Variants in FOXP4 observed in about 807,000 individuals in gnomAD.
The protein encoded by FOXP4 is forkhead box P4, also known as forkhead box protein P4.
FOXP4 carries 25 observed loss-of-function variants against 82.6 expected under a neutral mutation model. The observed-to-expected ratio is 0.30, with a 90% confidence interval of 0.22 to 0.42. The LOEUF is 0.42. Ranked by LOEUF, FOXP4 falls within the 10% of genes least tolerant of loss-of-function variation. The pLI, the probability that FOXP4 is intolerant of heterozygous loss-of-function variation, is 1.00. For missense variants in FOXP4, 785 were observed against 900.9 expected, an observed-to-expected ratio of 0.87 and a Z score of 1.65; for synonymous variants, 415 against 388.2, an observed-to-expected ratio of 1.07 and a Z score of -0.81.
chr6:41,587,948 C>T (rs1766255255), intron 8 of FOXP4, 51 bp downstream of exon 8: 1 of 983,514 alleles, frequency 1.0e-6, no homozygotes, highest in Non-Finnish European at 1.6e-6. Context: ...CACAGGGCCT[C>T]TCCCCCAACC....
At chr6:41,586,617 G>T (rs911291683) in intron 5 of FOXP4, among the ~76,000 whole-genome samples, 3 of 152,198 alleles carry the variant, frequency 2.0e-5, no homozygotes, top group African/African-American at 4.8e-5. Context: ...ATGTGGGAAG[G>T]GTGCCCTCCA....
Position 41,580,410 on chromosome 6 carries a change from C to T in FOXP4, c.300+2329C>T, listed in dbSNP as rs1765732150. ...CACACTTTTAATCTCTGCATTGTGA[C>T]GATCCCTTGTGCTTGGCACAATATT... On this transcript the variant is annotated intron_variant, in intron 3 of 16. Transcript: ENST00000307972. Among the ~76,000 whole-genome samples, 5 of 152,232 alleles carry T rather than the reference C, an allele frequency of 3.3e-5. No homozygotes were observed. In the South Asian group the frequency reaches 6.2e-4, roughly 19 times the overall value.
At chr6:41,570,079 GAC>G (rs35549847) in intron 2 of FOXP4, 6,773 of 123,676 alleles carry the variant, frequency 0.055, 274 homozygotes, top group African/African-American at 0.14. Context: ...ACCACCCCCT[GAC>G]ACACACACAC....
intron 16 of FOXP4, 37 bp from the exon 17 acceptor site, chr6:41,598,752 A>G (rs1405805495): frequency 6.5e-7 from 1 of 1,549,148 alleles, no homozygotes; most frequent in Non-Finnish European, 8.7e-7. Flanking sequence ...GCATCAGAGG[A>G]CAGCCGCCTG....
intron 1 of FOXP4, among the ~76,000 whole-genome samples, chr6:41,557,516 T>C (rs2127325245): frequency 6.6e-6 from 1 of 152,324 alleles, no homozygotes; most frequent in Middle Eastern, 3.4e-3. Context: ...GGGGATTGGC[T>C]CAATACATTC....
At chr6:41,590,631 T>C (rs991768401) in intron 12 of FOXP4, among the ~76,000 whole-genome samples, 105 of 152,304 alleles carry the variant, frequency 6.9e-4, no homozygotes, top group African/African-American at 2.4e-3. Flanking sequence ...CAGCCCGCCA[T>C]GATAGACTCA....
intron 2 of FOXP4, among the ~76,000 whole-genome samples, chr6:41,574,864 C>A (rs1302645279): frequency 6.6e-6 from 1 of 152,214 alleles, no homozygotes; most frequent in Non-Finnish European, 1.5e-5. Flanking sequence ...GGAAGCCTTC[C>A]GAGACTTCCC....
chr6:41,575,347 G>A (rs754092839), intron 2 of FOXP4, among the ~76,000 whole-genome samples: 4 of 152,174 alleles, frequency 2.6e-5, no homozygotes, highest in Non-Finnish European at 5.9e-5. Flanking sequence ...TTCTGTTTCT[G>A]TGTATCCCCA....
chr6:41,591,461 C>T lies in FOXP4; in HGVS notation c.1536+139C>T. On this transcript the variant is annotated intron_variant, in intron 13 of 16. Transcript: ENST00000307972. The surrounding 1 kb of genome is among the most constrained non-coding windows in gnomAD (Gnocchi z 4.2). ...CAGCCACCCAAGGGCCCAGCCAGGG[C>T]TGCATGCCCACGCCCACCTCAGCAG... 1 of 717,048 alleles carries T rather than the reference C, an allele frequency of 1.4e-6. No individual in the cohort carries two copies. Among genetic ancestry groups the T allele is most frequent in the Non-Finnish European group, 2.4e-6 (1 of 415,736 alleles). The allele number at this position is 717,048 out of a possible 1,614,324, so 44.4% of individuals were successfully genotyped here. A position where few individuals can be genotyped will look rare whatever the true frequency, so the allele number is the denominator to read the frequency against.
chr6:41,594,746 CT>C (rs1766722031), intron 13 of FOXP4, 123 bp from the exon 14 acceptor site: 1 of 1,449,196 alleles, frequency 6.9e-7, no homozygotes, highest in Non-Finnish European at 9.3e-7. Flanking sequence ...CCCCCCTCCC[CT>C]GCTCATCCCT....
At chr6:41,554,991 G>T (rs1389246695) in intron 1 of FOXP4, among the ~76,000 whole-genome samples, 1 of 152,190 alleles carries the variant, frequency 6.6e-6, no homozygotes, top group Non-Finnish European at 1.5e-5. Context: ...AGTGGCTCAT[G>T]CCTGTAATCC....
At chr6:41,572,211 G>C (rs1217617457) in intron 2 of FOXP4, among the ~76,000 whole-genome samples, 1 of 152,192 alleles carries the variant, frequency 6.6e-6, no homozygotes, top group Non-Finnish European at 1.5e-5. Flanking sequence ...CTCGCACCAT[G>C]TGTTCCCTCC....
rs370872936 is a variant in FOXP4, at chr6:41,598,897, G to A, written c.2004G>A (p.Arg668=). 32 of 1,607,430 alleles carry A rather than the reference G, an allele frequency of 2.0e-5. No individual in the cohort carries two copies. Among genetic ancestry groups the A allele is most frequent in the South Asian group, 3.4e-5 (3 of 89,326 alleles). ...NPSASGPPED[R]DLEEELPGEE... ...GCGCCTCGGGGCCTCCGGAAGACAGGGACCTGGAGGAGGAGCTGCCGGGAG... is the reference window on the plus strand; with the variant it reads ...GCGCCTCGGGGCCTCCGGAAGACAGAGACCTGGAGGAGGAGCTGCCGGGAG... Residue 668 remains arginine (R), a synonymous_variant, in exon 17 of 17, where the codon AGG becomes AGA. Transcript: ENST00000307972.
In FOXP4 at chr6:41,591,229, G is replaced by A; in HGVS notation, c.1443G>A (p.Leu481=). 1 of 1,608,368 alleles carries A rather than the reference G, an allele frequency of 6.2e-7. No individual in the cohort carries two copies. The highest frequency in any genetic ancestry group is 8.5e-7 in the Non-Finnish European group (1 of 1,177,366). Residue 481 remains leucine, a synonymous_variant, in exon 13 of 17, where the codon CTG becomes CTA. Coordinates refer to ENST00000307972, the MANE Select transcript of FOXP4 (RefSeq NM_001012426.2). The surrounding 1 kb of genome is among the most constrained non-coding windows in gnomAD (Gnocchi z 4.2). ...TTGTTCCTTCCCCGCAGGCCATCCT[G>A]GAAACCCCTGACAGGCAGCTGACCC... ...TYASLIRQAI[L]ETPDRQLTLN...
intron 7 of FOXP4, 84 bp from the exon 8 acceptor site, chr6:41,587,709 G>T: frequency 2.0e-6 from 2 of 1,000,852 alleles, no homozygotes; most frequent in Non-Finnish European, 3.0e-6. Context: ...AATGTCACCA[G>T]CAGGGGAGCT....
chr6:41,551,847 C>T (rs190191018), intron 1 of FOXP4, among the ~76,000 whole-genome samples: 13 of 152,124 alleles, frequency 8.5e-5, no homozygotes, highest in South Asian at 2.1e-4. Context: ...CACTGTGGAG[C>T]GCCTACTGTG....
chr6:41,558,894 A>C lies in FOXP4; in HGVS notation c.-16-6851A>C, dbSNP rs977606958. 6.6e-6 allele frequency among the ~76,000 whole-genome samples: 1 copy of C among 152,224 alleles called. No homozygotes were observed. Among genetic ancestry groups the C allele is most frequent in the African/African-American group, 2.4e-5 (1 of 41,468 alleles). ...GCAGGATAGCTAGAAACAAACAAAT[A>C]GAGAAAGAAGGAACTAGAAGACATC... On this transcript the variant is annotated intron_variant, in intron 1 of 16. Transcript: ENST00000307972. The surrounding 1 kb of genome is among the most constrained non-coding windows in gnomAD (Gnocchi z 4.0).
rs556741142 is a variant in FOXP4, at chr6:41,558,393, C to G, written c.-16-7352C>G. Reference sequence around the variant, plus strand: ...AGGGGGGTGGGATCAATTTTTAAACCATAGCCCACTCAGGTGGGTTGTAGC... The same window carrying G: ...AGGGGGGTGGGATCAATTTTTAAACGATAGCCCACTCAGGTGGGTTGTAGC... On this transcript the variant is annotated intron_variant, in intron 1 of 16. Coordinates refer to ENST00000307972, the MANE Select transcript of FOXP4 (RefSeq NM_001012426.2). The surrounding 1 kb of genome is among the most constrained non-coding windows in gnomAD (Gnocchi z 4.0). 5.9e-5 allele frequency among the ~76,000 whole-genome samples: 9 copies of G among 152,270 alleles called. No individual in the cohort carries two copies. In the South Asian group the frequency reaches 8.3e-4, roughly 14 times the overall value.
In FOXP4 at chr6:41,565,468, C is replaced by T. The variant is rs553023944; in HGVS notation, c.-16-277C>T. 2.0e-5 allele frequency among the ~76,000 whole-genome samples: 3 copies of T among 152,288 alleles called. No individual in the cohort carries two copies. In the East Asian group the frequency reaches 5.8e-4, roughly 29 times the overall value. On this transcript the variant is annotated intron_variant, in intron 1 of 16. Coordinates refer to ENST00000307972, the MANE Select transcript of FOXP4 (RefSeq NM_001012426.2). ...GGCAAAAAATCCTCACCCAGAGGGG[C>T]AGTGCAAGGGCTTTGTCTCCTCCCT...
Sources: allele counts gnomAD v4.1 joint callset (sites outside exome capture counted in the v4.1 genomes callset), GRCh38; gene constraint gnomAD v4.1.1; non-coding constraint Gnocchi (gnomAD v3.1); transcripts MANE v1.5; gene names NCBI Gene and HGNC (gene_info 2026-07-23, HGNC 2026-07-21).